The following PPARGC1B variants were observed in gnomAD, a reference collection of about 807,000 sequenced individuals.
PPARGC1B encodes PPARG coactivator 1 beta.
A neutral mutation model predicts 101.6 loss-of-function variants in PPARGC1B; 34 were observed. The ratio of observed to expected loss-of-function variants is 0.33; its 90% CI spans 0.25 to 0.45. PPARGC1B has a LOEUF of 0.45. Among genes scored for constraint, PPARGC1B ranks in the 20% least tolerant of loss-of-function variants. The pLI is 1.00. For missense variants in PPARGC1B, 1,234 were observed against 1,317.6 expected (o/e 0.94, Z 0.98); for synonymous variants, 548 against 539.3 (o/e 1.02, Z -0.22).
In PPARGC1B at chr5:149,826,843, G is replaced by C. The variant is rs1294364483; in HGVS notation, c.423G>C (p.Glu141Asp). 4 of 1,613,770 alleles carry C rather than the reference G, an allele frequency of 2.5e-6. No individual in the cohort carries two copies. The highest frequency in any genetic ancestry group is 3.4e-6 in the Non-Finnish European group (4 of 1,179,778). ...CTGCACCCCCCAGCCCTGCCCCGGA[G>C]AAGCCCTCGGCCCCAGCCCCTGAGG... ...PSSAPPSPAP[E>D]KPSAPAPEVD... Residue 141 changes from glutamate to aspartate, a missense_variant, in exon 3 of 12, where the codon GAG becomes GAC. Transcript: ENST00000309241.
rs564960937 is a variant in PPARGC1B, at chr5:149,773,511, C to T, written c.78+43091C>T. 2.6e-5 allele frequency among the ~76,000 whole-genome samples: 4 copies of T among 152,228 alleles called. No individual in the cohort carries two copies. The South Asian group carries it at 8.3e-4, about 32-fold the overall frequency. On this transcript the variant is annotated intron_variant, in intron 1 of 11. Transcript: ENST00000309241. ...TAGGTGTGTCTCAGCCTGGCCCCTGCCTGGCTGGTTGCTCTGTTCTAGCCT... is the reference window on the plus strand; with the variant it reads ...TAGGTGTGTCTCAGCCTGGCCCCTGTCTGGCTGGTTGCTCTGTTCTAGCCT...
intron 10 of PPARGC1B, among the ~76,000 whole-genome samples, chr5:149,843,212 C>T (rs1430560453): frequency 6.6e-6 from 1 of 152,100 alleles, no homozygotes; most frequent in Non-Finnish European, 1.5e-5. Context: ...GGTTTTTCGT[C>T]ACTTACCTGG....
At chr5:149,767,280 G>A (rs1755946182) in intron 1 of PPARGC1B, among the ~76,000 whole-genome samples, 1 of 152,168 alleles carries the variant, frequency 6.6e-6, no homozygotes, top group Non-Finnish European at 1.5e-5. Context: ...GCATGCTTGT[G>A]CCTCCAGCCT....
Position 149,836,916 on chromosome 5 carries a change from G to C in PPARGC1B, c.2461G>C (p.Glu821Gln), listed in dbSNP as rs768617744. 4.8e-5 allele frequency: 77 copies of C among 1,613,584 alleles called. No homozygotes were observed. Among genetic ancestry groups the C allele is most frequent in the Non-Finnish European group, 6.4e-5 (76 of 1,180,028 alleles). The change falls in exon 8 of 12, where the codon GAA becomes CAA. Residue 821 changes from glutamate to glutamine, a missense_variant. This residue lies in a region of PPARGC1B where 497 missense variants were observed against 529.5 expected (regional missense o/e 0.94). Coordinates refer to ENST00000309241, the MANE Select transcript of PPARGC1B (RefSeq NM_133263.4). ...AGGGGAGGAGGAGGAGGAGGACGAT[G>C]AAGAAGAGGACTCAGGGGTCAGCCC... The part of the protein sequence containing the change: ...EEGEEEEEDD[E>Q]EEDSGVSPTC...
chr5:149,830,042 AAAAAAAAAAAAAG>A lies in PPARGC1B; in HGVS notation c.466-712_466-700del, dbSNP rs1467755520. Among the ~76,000 whole-genome samples the A allele has an allele frequency of 3.1e-3, 392 of 127,202 alleles. 3 individuals carry two copies. Among genetic ancestry groups the A allele is most frequent in the African/African-American group, 0.012 (371 of 31,974 alleles). The allele number at this position is 127,202 out of a possible 152,430, so 83.4% of individuals were successfully genotyped here. A position where few individuals can be genotyped will look rare whatever the true frequency, so the allele number is the denominator to read the frequency against. ...AGAGACTGCATCTCAAAAAAAAAAA[AAAAAAAAAAAAAG>A]AAAAAAAAAAAAAAACAGGGTGGGT... On this transcript the variant is annotated intron_variant, in intron 3 of 11. Transcript: ENST00000309241.
intron 1 of PPARGC1B, among the ~76,000 whole-genome samples, chr5:149,778,035 C>T (rs190757102): frequency 1.0e-5 from 1 of 98,760 alleles, no homozygotes; most frequent in East Asian, 3.3e-4. Context: ...ACAGAGTACC[C>T]GGCTGCTTAT....
chr5:149,805,298 T>C (rs981097863), intron 1 of PPARGC1B, among the ~76,000 whole-genome samples: 2 of 152,140 alleles, frequency 1.3e-5, no homozygotes, highest in African/African-American at 2.4e-5. Context: ...TTAACTATCA[T>C]AGGGTCCTTA....
chr5:149,812,432 GT>G (rs1322795665), intron 1 of PPARGC1B, among the ~76,000 whole-genome samples: 2 of 148,148 alleles, frequency 1.3e-5, no homozygotes, highest in Non-Finnish European at 3.0e-5. Context: ...GAAAGATTGG[GT>G]TTTTTTCATA....
intron 1 of PPARGC1B, among the ~76,000 whole-genome samples, chr5:149,779,635 G>T (rs1756522163): frequency 6.6e-6 from 1 of 152,214 alleles, no homozygotes; most frequent in Non-Finnish European, 1.5e-5. Context: ...ATGGGAGTCA[G>T]CTGGAGGGGG....
At chr5:149,774,201 G>T (rs1359154322) in intron 1 of PPARGC1B, among the ~76,000 whole-genome samples, 4 of 152,222 alleles carry the variant, frequency 2.6e-5, no homozygotes, top group Non-Finnish European at 5.9e-5. Flanking sequence ...CAGCCATGAG[G>T]CAGAGAGCCT....
intron 1 of PPARGC1B, among the ~76,000 whole-genome samples, chr5:149,743,965 C>T (rs528875788): frequency 1.1e-4 from 17 of 152,286 alleles, no homozygotes; most frequent in Admixed American, 5.9e-4. Context: ...GGTCAGATGT[C>T]CCCACATCTT....
chr5:149,776,841 G>A (rs570177200), intron 1 of PPARGC1B, among the ~76,000 whole-genome samples: 4 of 152,222 alleles, frequency 2.6e-5, no homozygotes, highest in African/African-American at 7.2e-5. Context: ...AAATGGCCCC[G>A]TAACCTTTTC....
intron 1 of PPARGC1B, among the ~76,000 whole-genome samples, chr5:149,739,730 A>G (rs1754846700): frequency 6.6e-6 from 1 of 152,176 alleles, no homozygotes; most frequent in African/African-American, 2.4e-5. Flanking sequence ...AAGGTCTACC[A>G]CCACCCCTGG....
Position 149,735,480 on chromosome 5 carries a change from A to G in PPARGC1B, c.78+5060A>G, listed in dbSNP as rs186425916. ...TGGAAATGCCTAACAAGAATATTGC[A>G]GTGTTGATCCTTGCCTTCTCCTTCA... On this transcript the variant is annotated intron_variant, in intron 1 of 11. Transcript: ENST00000309241. 9.8e-5 allele frequency among the ~76,000 whole-genome samples: 15 copies of G among 152,332 alleles called. No individual in the cohort carries two copies. The East Asian group carries it at 2.9e-3, about 29-fold the overall frequency.
chr5:149,732,151 G>T (rs1229048734), intron 1 of PPARGC1B, among the ~76,000 whole-genome samples: 2 of 152,072 alleles, frequency 1.3e-5, no homozygotes, highest in East Asian at 1.9e-4. Context: ...CGTCGTCGCC[G>T]GGCTCCGTCA....
chr5:149,846,297 TG>T lies in PPARGC1B; in HGVS notation c.2971+387del, dbSNP rs1232331504. ...GACCCCAGACAAGGCAGCAGCCACC[TG>T]GGGACAAGATGATGAAGAAGGACAA... On this transcript the variant is annotated intron_variant, in intron 11 of 11. Transcript: ENST00000309241. 28 of 431,210 alleles carry T rather than the reference TG, an allele frequency of 6.5e-5. No individual in the cohort carries two copies. The Admixed American group carries it at 7.1e-4, about 11-fold the overall frequency. 26.7% of individuals were successfully genotyped at this position (431,210 alleles called of 1,614,324 possible).
intron 11 of PPARGC1B, 109 bp from the exon 12 acceptor site, chr5:149,847,349 G>A (rs767303591): frequency 2.4e-6 from 2 of 848,588 alleles, no homozygotes; most frequent in South Asian, 2.6e-5. Context: ...GCCTTGGGCT[G>A]CAGCCACTCC....
chr5:149,840,060 T>C lies in PPARGC1B; in HGVS notation c.2638T>C (p.Cys880Arg). 1 of 1,614,044 alleles carries C rather than the reference T, an allele frequency of 6.2e-7. No individual in the cohort carries two copies. The highest frequency in any genetic ancestry group is 2.2e-5 in the East Asian group (1 of 44,872). ...RNFRCESRGPCSDRTPSIRHA... is the reference protein window; with the variant it reads ...RNFRCESRGPRSDRTPSIRHA... ...TGACAGATGTGAGAGCAGAGGGCCG[T>C]GTTCAGACAGAACGCCAAGCATCCG... The change falls in exon 9 of 12, where the codon TGT (cysteine) becomes CGT (arginine). Residue 880 changes from cysteine to arginine, a missense_variant. Cys to Arg is a radical substitution (Grantham distance 180, BLOSUM62 -3). Around this residue, in one of 3 missense-constraint regions of PPARGC1B, gnomAD observed 497 missense variants for 529.5 expected, o/e 0.94. Coordinates refer to ENST00000309241, the MANE Select transcript of PPARGC1B (RefSeq NM_133263.4).
At chr5:149,810,890 A>G (rs773911218) in intron 1 of PPARGC1B, among the ~76,000 whole-genome samples, 4 of 152,140 alleles carry the variant, frequency 2.6e-5, no homozygotes, top group Non-Finnish European at 5.9e-5. Flanking sequence ...TCCGGTACAC[A>G]AAACCTTGGT....
Sources: allele counts gnomAD v4.1 joint callset (sites outside exome capture counted in the v4.1 genomes callset), GRCh38; gene constraint gnomAD v4.1.1; regional missense constraint gnomAD v4.1.1; transcripts MANE v1.5; gene names NCBI Gene and HGNC (gene_info 2026-07-23, HGNC 2026-07-21).